The following EMILIN2 variants were observed in gnomAD, a reference collection of about 807,000 sequenced individuals.
EMILIN2 encodes the protein EMILIN-2.
EMILIN2 carries 71 observed loss-of-function variants against 87.1 expected under a neutral mutation model. The ratio of observed to expected loss-of-function variants is 0.82; its 90% CI spans 0.67 to 0.99. EMILIN2 has a LOEUF of 0.99. EMILIN2 is among the 50% of genes least tolerant of loss of function. The pLI is 0.00. For missense variants in EMILIN2, 1,407 were observed against 1,371.8 expected (o/e 1.03, Z -0.40); for synonymous variants, 581 against 563.4 (o/e 1.03, Z -0.44).
Position 2,847,431 on chromosome 18 carries a change from C to G in EMILIN2, c.134+109C>G. 2 of 1,149,356 alleles carry G rather than the reference C, an allele frequency of 1.7e-6. No homozygotes were observed. Among genetic ancestry groups the G allele is most frequent in the Non-Finnish European group, 1.1e-6 (1 of 913,774 alleles). 71.2% of individuals were successfully genotyped at this position (1,149,356 alleles called of 1,614,324 possible). On this transcript the variant is annotated intron_variant, in intron 1 of 7. Coordinates refer to ENST00000254528, the MANE Select transcript of EMILIN2 (RefSeq NM_032048.3). The surrounding 1 kb of genome is among the most constrained non-coding windows in gnomAD (Gnocchi z 4.5). Reference sequence around the variant, plus strand: ...CGACGAGCGGCAGCCGGGGGCCTCCCTTGGACTTCCCCGGGCGGCTCCCTC... The same window carrying G: ...CGACGAGCGGCAGCCGGGGGCCTCCGTTGGACTTCCCCGGGCGGCTCCCTC...
At chr18:2,884,658 G>C (rs2076794375) in intron 2 of EMILIN2, among the ~76,000 whole-genome samples, 1 of 152,164 alleles carries the variant, frequency 6.6e-6, no homozygotes, top group Admixed American at 6.5e-5. Context: ...TCAGTTTGGG[G>C]GCTGAAAAGT....
chr18:2,877,201 T>A (rs576895166), intron 2 of EMILIN2, among the ~76,000 whole-genome samples: 32 of 152,336 alleles, frequency 2.1e-4, no homozygotes, highest in African/African-American at 7.2e-4. Context: ...TGGTTTCAAA[T>A]GGCCAATTTT....
rs747880723 is a variant in EMILIN2, at chr18:2,885,110, G to T, written c.404G>T (p.Arg135Leu). ...AAGACCCTCCGCCCCACGCCGGCTC[G>T]GCCTCGAAACAGCTTGAAGAAAGCC... is the stretch of plus-strand genomic sequence containing the variant. ...PVKTLRPTPARPRNSLKKATD... is the reference protein window; with the variant it reads ...PVKTLRPTPALPRNSLKKATD... Residue 135 changes from arginine (R) to leucine (L), a missense_variant, in exon 3 of 8, where the codon CGG becomes CTG. Arg to Leu is a moderately radical substitution (Grantham distance 102). Coordinates refer to ENST00000254528, the MANE Select transcript of EMILIN2 (RefSeq NM_032048.3). 6.2e-7 allele frequency: 1 copy of T among 1,610,090 alleles called. No homozygotes were observed. The highest frequency in any genetic ancestry group is 8.5e-7 in the Non-Finnish European group (1 of 1,178,578).
rs1306540654 is a variant in EMILIN2, at chr18:2,892,466, T to A, written c.2339T>A (p.Val780Asp). 6.3e-7 allele frequency: 1 copy of A among 1,595,518 alleles called. No homozygotes were observed. The highest frequency in any genetic ancestry group is 8.6e-7 in the Non-Finnish European group (1 of 1,166,986). Reference protein sequence around the residue: ...FQISTDLQDLVKFQPSAKAPS... With the variant: ...FQISTDLQDLDKFQPSAKAPS... ...ATTTCTACTGATTTGCAAGATCTGG[T>A]CAAATTTCAGCCATCAGCAAGTAAG... Residue 780 changes from valine (V) to aspartate (D), a missense_variant, in exon 4 of 8, where the codon GTC (valine) becomes GAC (aspartate). Val to Asp is a radical substitution (Grantham distance 152). Coordinates refer to ENST00000254528, the MANE Select transcript of EMILIN2 (RefSeq NM_032048.3).
rs1211020736 is a variant in EMILIN2 at position 2,907,007 on chromosome 18, C to T, written c.2584C>T (p.Arg862Trp). The change falls in exon 5 of 8, where the codon CGG becomes TGG. Residue 862 changes from arginine (R) to tryptophan (W), a missense_variant. Coordinates refer to ENST00000254528, the MANE Select transcript of EMILIN2 (RefSeq NM_032048.3). ...CCCCGCAGGCGCAGGCGTGTCTGGG[C>T]GGGGTCTGCCGCGGGGCGTGGACGG... ...GPPAGAGVSG[R>W]GLPRGVDGQT... 23 of 1,348,440 alleles carry T rather than the reference C, an allele frequency of 1.7e-5. No homozygotes were observed. Among genetic ancestry groups the T allele is most frequent in the East Asian group, 1.5e-4 (5 of 32,330 alleles). The allele number at this position is 1,348,440 out of a possible 1,614,324, so 83.5% of individuals were successfully genotyped here.
intron 2 of EMILIN2, among the ~76,000 whole-genome samples, chr18:2,864,524 T>C (rs1328261032): frequency 6.6e-6 from 1 of 152,242 alleles, no homozygotes; most frequent in Non-Finnish European, 1.5e-5. Context: ...AAAATTCTTT[T>C]CTTTAAGAAT....
intron 2 of EMILIN2, among the ~76,000 whole-genome samples, chr18:2,873,359 A>G (rs2076730299): frequency 1.3e-5 from 2 of 152,150 alleles, no homozygotes; most frequent in Admixed American, 1.3e-4. Flanking sequence ...GCAGTGAGCC[A>G]AGATTGTACC....
Position 2,867,261 on chromosome 18 carries a change from A to G in EMILIN2, c.258-17703A>G, listed in dbSNP as rs1055268945. 2.0e-4 allele frequency among the ~76,000 whole-genome samples: 30 copies of G among 152,080 alleles called. 1 individual carries two copies. Among genetic ancestry groups the G allele is most frequent in the African/African-American group, 7.0e-4 (29 of 41,446 alleles). On this transcript the variant is annotated intron_variant, in intron 2 of 7. Transcript: ENST00000254528. ...TTCTCTGTCTTGTGGAATAGTGTCA[A>G]TAGGATTGGTACCAATTCTTCTTTA...
Position 2,906,840 on chromosome 18 carries a change from C to A in EMILIN2, c.2417C>A (p.Pro806His). 1 of 1,343,162 alleles carries A rather than the reference C, an allele frequency of 7.4e-7. No homozygotes were observed. Among genetic ancestry groups the A allele is most frequent in the Admixed American group, 3.4e-5 (1 of 29,848 alleles). 83.2% of individuals were successfully genotyped at this position (1,343,162 alleles called of 1,614,324 possible). A position where few individuals can be genotyped will look rare whatever the true frequency, so the allele number is the denominator to read the frequency against. Reference protein sequence around the residue: ...EAPKEPLQPEPAPPRPSGPAT... With the variant: ...EAPKEPLQPEHAPPRPSGPAT... ...CCGAAGGAGCCGCTGCAGCCCGAGC[C>A]CGCCCCGCCGAGGCCCAGCGGCCCC... The change falls in exon 5 of 8, where the codon CCC becomes CAC. Residue 806 changes from proline (P) to histidine (H), a missense_variant. Physicochemically the swap from Pro to His is moderately conservative, Grantham distance 77. Transcript: ENST00000254528.
At chr18:2,873,474 G>A (rs1217273464) in intron 2 of EMILIN2, among the ~76,000 whole-genome samples, 7 of 151,898 alleles carry the variant, frequency 4.6e-5, no homozygotes, top group African/African-American at 1.5e-4. Context: ...TTGGGAGGCC[G>A]AGGCGGGTGG....
intron 4 of EMILIN2, among the ~76,000 whole-genome samples, chr18:2,901,942 C>T (rs901954812): frequency 6.3e-4 from 96 of 152,206 alleles, no homozygotes; most frequent in African/African-American, 2.2e-3. Flanking sequence ...TTGGAGCCTT[C>T]AGCCATCCAC....
In EMILIN2 at chr18:2,892,231, G is replaced by A; in HGVS notation, c.2104G>A (p.Val702Met). 5 of 1,611,912 alleles carry A rather than the reference G, an allele frequency of 3.1e-6. No individual in the cohort carries two copies. The highest frequency in any genetic ancestry group is 4.2e-6 in the Non-Finnish European group (5 of 1,178,252). Residue 702 changes from valine to methionine, a missense_variant, in exon 4 of 8, where the codon GTG becomes ATG. By Grantham distance (21) the Val-to-Met change is conservative (BLOSUM62 1). Transcript: ENST00000254528. Reference protein sequence around the residue: ...TQGVQREVSMVEGRVSHMEKT... With the variant: ...TQGVQREVSMMEGRVSHMEKT... Reference sequence around the variant, plus strand: ...GGGGGTCCAGAGGGAGGTCTCCATGGTGGAGGGCAGGGTGTCTCATATGGA... The same window carrying A: ...GGGGGTCCAGAGGGAGGTCTCCATGATGGAGGGCAGGGTGTCTCATATGGA...
chr18:2,890,912 T>A lies in EMILIN2; in HGVS notation c.785T>A (p.Ile262Asn), dbSNP rs757487833. The A allele has an allele frequency of 6.8e-6, 11 of 1,613,762 alleles. No homozygotes were observed. The African/African-American group carries it at 1.3e-4, about 20-fold the overall frequency. The change falls in exon 4 of 8, where the codon ATC becomes AAC. Residue 262 changes from isoleucine to asparagine, a missense_variant. Physicochemically the swap from Ile to Asn is moderately radical, Grantham distance 149. Coordinates refer to ENST00000254528, the MANE Select transcript of EMILIN2 (RefSeq NM_032048.3). This position sits in a 1 kb window ranked among gnomAD's most constrained non-coding sequence, Gnocchi z 4.7. ...ACTAAGGAATCTGGCATGAAGGACA[T>A]CAAGTCTGAATTGGCTGAAGTCAAA... ...FNTKESGMKD[I>N]KSELAEVKDT...
chr18:2,894,128 T>C lies in EMILIN2; in HGVS notation c.2359+1642T>C, dbSNP rs2076852409. 6.6e-6 allele frequency among the ~76,000 whole-genome samples: 1 copy of C among 152,130 alleles called. No individual in the cohort carries two copies. Among genetic ancestry groups the C allele is most frequent in the Admixed American group, 6.6e-5 (1 of 15,266 alleles). On this transcript the variant is annotated intron_variant, in intron 4 of 7. Coordinates refer to ENST00000254528, the MANE Select transcript of EMILIN2 (RefSeq NM_032048.3). This position sits in a 1 kb window ranked among gnomAD's most constrained non-coding sequence, Gnocchi z 5.0. Reference sequence around the variant, plus strand: ...GGCCTCTGTGAACCTTGGGATTTTATGATCAAGTCCCAGATGAGACATAAA... The same window carrying C: ...GGCCTCTGTGAACCTTGGGATTTTACGATCAAGTCCCAGATGAGACATAAA...
intron 2 of EMILIN2, among the ~76,000 whole-genome samples, chr18:2,858,547 A>ATG (rs1354578175): frequency 8.3e-5 from 4 of 48,054 alleles, no homozygotes; most frequent in African/African-American, 5.8e-4. Flanking sequence ...ATATATATAT[A>ATG]TATATATATA....
chr18:2,887,268 T>C (rs2144029433), intron 3 of EMILIN2, among the ~76,000 whole-genome samples: 1 of 152,294 alleles, frequency 6.6e-6, no homozygotes, highest in Non-Finnish European at 1.5e-5. Flanking sequence ...GGTTTTTTTG[T>C]CTCCCTCCTC....
intron 7 of EMILIN2, among the ~76,000 whole-genome samples, chr18:2,910,812 TTA>T (rs1000271343): frequency 3.3e-5 from 5 of 152,194 alleles, no homozygotes; most frequent in Non-Finnish European, 1.5e-5. Context: ...CTCTTAACTG[TTA>T]TGTTAGCAAG....
rs2076770934 is a variant in EMILIN2 at position 2,880,427 on chromosome 18, A to AT, written c.258-4536dup. On this transcript the variant is annotated intron_variant, in intron 2 of 7. Coordinates refer to ENST00000254528, the MANE Select transcript of EMILIN2 (RefSeq NM_032048.3). The surrounding 1 kb of genome is among the most constrained non-coding windows in gnomAD (Gnocchi z 4.1). ...GGCGGGCAAAGGAGACTTGGCTGGAATGGGGGAGAGTTCACAGGGGCGAGG... is the reference window on the plus strand; with the variant it reads ...GGCGGGCAAAGGAGACTTGGCTGGAATTGGGGGAGAGTTCACAGGGGCGAGG... Among the ~76,000 whole-genome samples, 1 of 152,182 alleles carries AT rather than the reference A, an allele frequency of 6.6e-6. No individual in the cohort carries two copies. Among genetic ancestry groups the AT allele is most frequent in the Admixed American group, 6.5e-5 (1 of 15,282 alleles).
chr18:2,907,750 C>T (rs1192671877), intron 5 of EMILIN2, among the ~76,000 whole-genome samples: 1 of 152,206 alleles, frequency 6.6e-6, no homozygotes, highest in African/African-American at 2.4e-5. Flanking sequence ...CTCCTGCAGC[C>T]CTCCCAATGG....
Sources: allele counts gnomAD v4.1 joint callset (sites outside exome capture counted in the v4.1 genomes callset), GRCh38; gene constraint gnomAD v4.1.1; non-coding constraint Gnocchi (gnomAD v3.1); transcripts MANE v1.5; gene names NCBI Gene and HGNC (gene_info 2026-07-23, HGNC 2026-07-21).